Variants in MORC1 observed in about 807,000 individuals in gnomAD.
MORC1 encodes the protein MORC family CW-type zinc finger 1.
MORC1 carries 59 observed loss-of-function variants against 134.9 expected under a neutral mutation model. The observed-to-expected ratio is 0.44, with a 90% CI of 0.35 to 0.54. The LOEUF is 0.54. Ranked by LOEUF, MORC1 falls within the 20% of genes least tolerant of loss-of-function variation. MORC1 has a pLI of 0.00. For missense variants in MORC1, 947 were observed against 1,134.5 expected, an observed-to-expected ratio of 0.83 and a Z score of 2.37; for synonymous variants, 395 against 391.7, an observed-to-expected ratio of 1.01 and a Z score of -0.10.
chr3:109,094,911 C>T lies in MORC1; in HGVS notation c.581G>A (p.Cys194Tyr). Residue 194 changes from cysteine to tyrosine, a missense_variant and splice_region_variant, in exon 7 of 28, where the codon TGT becomes TAT. Transcript: ENST00000232603. ...TGTCAGAGTTTTGATGATCTTACCA[C>T]ATTTTCCATAGATCACATCAAACTG... Reference protein sequence around the residue: ...MQQFDVIYGKCGTLLVIYNLK... With the variant: ...MQQFDVIYGKYGTLLVIYNLK... 6.4e-7 allele frequency: 1 copy of T among 1,555,142 alleles called. No individual in the cohort carries two copies. Among genetic ancestry groups the T allele is most frequent in the South Asian group, 1.3e-5 (1 of 78,668 alleles).
intron 6 of MORC1, among the ~76,000 whole-genome samples, chr3:109,097,196 AC>A (rs1950845923): frequency 6.6e-6 from 1 of 152,200 alleles, no homozygotes; most frequent in African/African-American, 2.4e-5. Flanking sequence ...AAACAAACAA[AC>A]AAAAAACGAA....
intron 17 of MORC1, among the ~76,000 whole-genome samples, chr3:109,017,599 T>C (rs925740199): frequency 4.6e-5 from 7 of 152,214 alleles, no homozygotes; most frequent in Admixed American, 1.3e-4. Context: ...GTTTTAAAAA[T>C]ACATTTTTTT....
At chr3:109,033,557 C>T (rs1949296573) in intron 15 of MORC1, among the ~76,000 whole-genome samples, 1 of 152,122 alleles carries the variant, frequency 6.6e-6, no homozygotes, top group Non-Finnish European at 1.5e-5. Context: ...CGTAGGTTAA[C>T]ACTTGTCCCT....
At chr3:108,985,743 A>G (rs776472469) in intron 22 of MORC1, among the ~76,000 whole-genome samples, 2 of 152,224 alleles carry the variant, frequency 1.3e-5, no homozygotes, top group Non-Finnish European at 2.9e-5. Context: ...AAAATTAAAT[A>G]TTAATTTTAG....
chr3:109,069,280 T>C (rs1198192359), intron 9 of MORC1, among the ~76,000 whole-genome samples: 3 of 152,198 alleles, frequency 2.0e-5, no homozygotes, highest in Non-Finnish European at 4.4e-5. Flanking sequence ...TATGTATATA[T>C]ATGGTTTAAT....
At chr3:109,111,876 T>C (rs1311952361) in intron 2 of MORC1, among the ~76,000 whole-genome samples, 2 of 152,232 alleles carry the variant, frequency 1.3e-5, no homozygotes, top group Non-Finnish European at 2.9e-5. Flanking sequence ...CTCTAGCCAA[T>C]TGCTGCTTCT....
At chr3:109,100,370 G>A (rs760022361) in intron 5 of MORC1, 47 bp downstream of exon 5, 5 of 1,359,212 alleles carry the variant, frequency 3.7e-6, no homozygotes, top group Non-Finnish European at 5.3e-6. Context: ...TATAAACAGT[G>A]TTCCCAGTAT....
intron 14 of MORC1, among the ~76,000 whole-genome samples, chr3:109,053,735 T>A (rs905190501): frequency 1.3e-5 from 2 of 152,140 alleles, no homozygotes; most frequent in African/African-American, 4.8e-5. Context: ...AAAATATACC[T>A]CTGTAACAAC....
At position 109,071,335 on chromosome 3, in the gene MORC1, ATATG is replaced by A. The variant is rs377588248; in HGVS notation, c.690-1582_690-1579del. Among the ~76,000 whole-genome samples, 781 of 152,290 alleles carry A rather than the reference ATATG, an allele frequency of 5.1e-3. 18 individuals are homozygous for A. Among genetic ancestry groups the A allele is most frequent in the African/African-American group, 0.018 (749 of 41,550 alleles). The stretch of plus-strand genomic sequence containing the variant: ...TAAACATATATATACACACACACAT[ATATG>A]TGTGTATATATATACATGAACACTA... On this transcript the variant is annotated intron_variant, in intron 8 of 27. Transcript: ENST00000232603.
intron 15 of MORC1, among the ~76,000 whole-genome samples, chr3:109,033,541 A>C (rs1291259744): frequency 1.3e-5 from 2 of 152,122 alleles, no homozygotes; most frequent in African/African-American, 2.4e-5. Context: ...CACACTGCTA[A>C]CGGCTCGTAG....
chr3:109,055,799 AATAAACAGATAAATAT>A (rs1214062880), intron 13 of MORC1, among the ~76,000 whole-genome samples: 1 of 152,208 alleles, frequency 6.6e-6, no homozygotes, highest in Non-Finnish European at 1.5e-5. Context: ...GCATGAAGCT[AATAAACAGATAAATAT>A]ACAAGATCAT....
intron 26 of MORC1, among the ~76,000 whole-genome samples, chr3:108,965,788 A>T (rs898282022): frequency 6.6e-6 from 1 of 152,090 alleles, no homozygotes; most frequent in African/African-American, 2.4e-5. Context: ...CTTCCTATGA[A>T]TCTATAATTA....
chr3:109,114,489 T>C lies in MORC1; in HGVS notation c.66-52A>G, dbSNP rs560383107. 4.0e-6 allele frequency: 6 copies of C among 1,493,288 alleles called. No individual in the cohort carries two copies. The South Asian group carries it at 5.9e-5, about 15-fold the overall frequency. The allele number at this position is 1,493,288 out of a possible 1,614,324, so 92.5% of individuals were successfully genotyped here. A position where few individuals can be genotyped will look rare whatever the true frequency, so the allele number is the denominator to read the frequency against. Reference sequence around the variant, plus strand: ...AAAGTTAAACCAGGTGTGTAATCAATGTAAAAGCTTTAAGATTCTTGCAGA... The same window carrying C: ...AAAGTTAAACCAGGTGTGTAATCAACGTAAAAGCTTTAAGATTCTTGCAGA... On this transcript the variant is annotated intron_variant, in intron 1 of 27. Coordinates refer to ENST00000232603, the MANE Select transcript of MORC1 (RefSeq NM_014429.4).
chr3:109,068,326 C>A (rs909373916), intron 9 of MORC1, among the ~76,000 whole-genome samples: 2 of 152,166 alleles, frequency 1.3e-5, no homozygotes, highest in Non-Finnish European at 2.9e-5. Context: ...GTATACACTG[C>A]ACAATATGTT....
At chr3:108,977,211 A>G (rs1374052900) in intron 24 of MORC1, among the ~76,000 whole-genome samples, 3 of 152,140 alleles carry the variant, frequency 2.0e-5, no homozygotes, top group Non-Finnish European at 4.4e-5. Flanking sequence ...TGAGACTTGT[A>G]ATGTGTTAGT....
At chr3:108,998,270 T>G (rs1302072634) in intron 21 of MORC1, among the ~76,000 whole-genome samples, 1 of 152,222 alleles carries the variant, frequency 6.6e-6, no homozygotes, top group African/African-American at 2.4e-5. Flanking sequence ...ATGACTGAAC[T>G]GATGTTATGC....
intron 2 of MORC1, 82 bp from the exon 3 acceptor site, chr3:109,110,865 C>T: frequency 1.9e-6 from 2 of 1,070,686 alleles, no homozygotes; most frequent in Admixed American, 5.9e-5. Context: ...AGATATCAAA[C>T]AATACAAAAA....
At chr3:109,070,943 T>C (rs2107710134) in intron 8 of MORC1, among the ~76,000 whole-genome samples, 1 of 152,342 alleles carries the variant, frequency 6.6e-6, no homozygotes, top group East Asian at 1.9e-4. Flanking sequence ...AAATTACATA[T>C]TAGTATCTAG....
At chr3:108,968,221 T>G (rs1394253429) in intron 26 of MORC1, among the ~76,000 whole-genome samples, 1 of 152,248 alleles carries the variant, frequency 6.6e-6, no homozygotes, top group Non-Finnish European at 1.5e-5. Flanking sequence ...AATGTTCAGT[T>G]ACTGCTTTTA....
Sources: gnomAD v4.1 joint callset for allele counts (sites outside exome capture counted in the v4.1 genomes callset) on GRCh38, gnomAD v4.1.1 for gene constraint, MANE v1.5 for transcripts, NCBI Gene and HGNC (gene_info 2026-07-23, HGNC 2026-07-21) for gene names.